Variants in FAM171A1 observed in about 807,000 individuals in gnomAD.
The protein encoded by FAM171A1 is protein FAM171A1.
Under a neutral mutation model 74.9 loss-of-function variants are expected in FAM171A1, and 23 were observed. The observed-to-expected ratio is 0.31, with a 90% CI of 0.22 to 0.44. FAM171A1 has a LOEUF of 0.44. Among genes scored for constraint, FAM171A1 ranks in the 20% least tolerant of loss-of-function variants. The probability of loss-of-function intolerance (pLI) is 1.00; values close to 1 mark genes in which losing one functional copy is unlikely to be tolerated. For synonymous variants in FAM171A1, 527 were observed against 505.7 expected, an observed-to-expected ratio of 1.04 and a Z score of -0.57; for missense variants, 1,162 against 1,159.2, an observed-to-expected ratio of 1.00 and a Z score of -0.03.
intron 3 of FAM171A1, among the ~76,000 whole-genome samples, chr10:15,263,472 T>C (rs551230706): frequency 6.6e-6 from 1 of 152,252 alleles, no homozygotes. Context: ...CATACTCTTA[T>C]CATCTCACAG....
chr10:15,329,730 G>A (rs991127884), intron 1 of FAM171A1, among the ~76,000 whole-genome samples: 8 of 152,058 alleles, frequency 5.3e-5, no homozygotes, highest in Admixed American at 1.3e-4. Context: ...AAGAAGCTAC[G>A]GGAAGTCATT....
At chr10:15,222,926 T>C (rs1443489402) in intron 5 of FAM171A1, among the ~76,000 whole-genome samples, 1 of 152,154 alleles carries the variant, frequency 6.6e-6, no homozygotes, top group East Asian at 1.9e-4. Flanking sequence ...GTTTTGCAAA[T>C]GGGTATGAGG....
At chr10:15,237,030 G>A (rs1834300146) in intron 5 of FAM171A1, among the ~76,000 whole-genome samples, 1 of 152,134 alleles carries the variant, frequency 6.6e-6, no homozygotes, top group African/African-American at 2.4e-5. Context: ...GAGGCAGAGT[G>A]AGACTCTGAC....
intron 1 of FAM171A1, among the ~76,000 whole-genome samples, chr10:15,309,112 C>T (rs929577875): frequency 8.5e-5 from 13 of 152,184 alleles, no homozygotes; most frequent in African/African-American, 2.9e-4. Flanking sequence ...TTGCTCATTT[C>T]TTACTATGTA....
intron 1 of FAM171A1, among the ~76,000 whole-genome samples, chr10:15,308,474 T>C (rs1293943882): frequency 2.0e-5 from 3 of 152,206 alleles, no homozygotes; most frequent in Non-Finnish European, 4.4e-5. Context: ...TTATTTCTAT[T>C]ATTTTTTGAG....
chr10:15,346,760 C>A (rs1184236203), intron 1 of FAM171A1, among the ~76,000 whole-genome samples: 2 of 152,188 alleles, frequency 1.3e-5, no homozygotes, highest in Non-Finnish European at 2.9e-5. Context: ...AAATCAAAGC[C>A]CTGTGAACTA....
chr10:15,236,706 A>G (rs2131741244), intron 5 of FAM171A1, among the ~76,000 whole-genome samples: 1 of 152,342 alleles, frequency 6.6e-6, no homozygotes, highest in South Asian at 2.1e-4. Flanking sequence ...GATACTTAAA[A>G]GTACTGAATT....
chr10:15,284,899 A>G (rs1835016954), intron 1 of FAM171A1, among the ~76,000 whole-genome samples: 1 of 152,102 alleles, frequency 6.6e-6, no homozygotes, highest in Non-Finnish European at 1.5e-5. Flanking sequence ...GGGAGGACCC[A>G]AAGAGTAGAA....
intron 5 of FAM171A1, among the ~76,000 whole-genome samples, chr10:15,246,764 C>G (rs1239519468): frequency 6.6e-6 from 1 of 152,218 alleles, no homozygotes; most frequent in Non-Finnish European, 1.5e-5. Context: ...CACAAGTGAT[C>G]TGCCCGCCTT....
intron 1 of FAM171A1, among the ~76,000 whole-genome samples, chr10:15,365,240 A>G (rs1308420567): frequency 1.3e-5 from 2 of 152,210 alleles, no homozygotes; most frequent in Non-Finnish European, 2.9e-5. Flanking sequence ...GGACGTAAGC[A>G]GACACTTAGA....
intron 1 of FAM171A1, among the ~76,000 whole-genome samples, chr10:15,303,200 TC>T (rs199880199): frequency 1.3e-5 from 2 of 152,128 alleles, no homozygotes; most frequent in East Asian, 3.9e-4. Flanking sequence ...AAAAAAAAAG[TC>T]CTGATTTACC....
At chr10:15,281,784 C>A (rs1281344351) in intron 2 of FAM171A1, among the ~76,000 whole-genome samples, 1 of 152,156 alleles carries the variant, frequency 6.6e-6, no homozygotes, top group Non-Finnish European at 1.5e-5. Flanking sequence ...TTGCTTGAAC[C>A]TGGGAGGTGG....
chr10:15,232,559 G>C (rs1038980565), intron 5 of FAM171A1, among the ~76,000 whole-genome samples: 4 of 152,114 alleles, frequency 2.6e-5, no homozygotes, highest in Admixed American at 2.6e-4. Context: ...AGTGAAGCCA[G>C]GAATAGAATT....
chr10:15,334,793 T>G (rs756296056), intron 1 of FAM171A1, among the ~76,000 whole-genome samples: 1 of 152,234 alleles, frequency 6.6e-6, no homozygotes, highest in Non-Finnish European at 1.5e-5. Flanking sequence ...TGGTTTGGAA[T>G]GTACTGCCTG....
rs1331812403 is a variant in FAM171A1, at chr10:15,370,818, C to T, written c.97+138G>A. 3 of 214,162 alleles carry T rather than the reference C, an allele frequency of 1.4e-5. No individual in the cohort carries two copies. In the South Asian group the frequency reaches 4.3e-4, roughly 30 times the overall value. 13.3% of individuals were successfully genotyped at this position (214,162 alleles called of 1,614,324 possible). On this transcript the variant is annotated intron_variant, in intron 1 of 7. Transcript: ENST00000378116. ...GGGAGCGCGTTGCGGGTGCTGCAGG[C>T]CCGGAGGCTCCCGATGCGGCTCGGG...
intron 2 of FAM171A1, 111 bp downstream of exon 2, chr10:15,283,767 T>G: frequency 4.9e-6 from 5 of 1,026,530 alleles, no homozygotes; most frequent in Non-Finnish European, 5.8e-6. Flanking sequence ...AATTTTTTTG[T>G]AGAGATGCAG....
chr10:15,213,199 T>G lies in FAM171A1; in HGVS notation c.2389A>C (p.Ser797Arg). ...QLVYLDDVEQ[S>R]GSECGTTVCT... The stretch of plus-strand genomic sequence containing the variant: ...ACCGTGGTCCCACATTCGCTACCAC[T>G]CTGTTCCACGTCATCCAGGTACACG... The change falls in exon 8 of 8, where the codon AGT (serine) becomes CGT (arginine). Residue 797 changes from serine to arginine, a missense_variant. By Grantham distance (110) the Ser-to-Arg change is moderately radical. Coordinates refer to ENST00000378116, the MANE Select transcript of FAM171A1 (RefSeq NM_001010924.2). The surrounding 1 kb of genome is among the most constrained non-coding windows in gnomAD (Gnocchi z 6.8). The G allele has an allele frequency of 1.9e-6, 3 of 1,614,048 alleles. No individual in the cohort carries two copies. Among genetic ancestry groups the G allele is most frequent in the Non-Finnish European group, 2.5e-6 (3 of 1,180,022 alleles).
In FAM171A1 at chr10:15,256,729, C is replaced by G. The variant is rs752936583; in HGVS notation, c.419-1850G>C. Reference sequence around the variant, plus strand: ...TGTTACAGAATACCGATGTCTTACTCCTGCCACCTCCTTGGTCTGTGGAGA... The same window carrying G: ...TGTTACAGAATACCGATGTCTTACTGCTGCCACCTCCTTGGTCTGTGGAGA... On this transcript the variant is annotated intron_variant, in intron 3 of 7. Transcript: ENST00000378116. Among the ~76,000 whole-genome samples, 128 of 152,320 alleles carry G rather than the reference C, an allele frequency of 8.4e-4. 1 individual carries two copies. Among genetic ancestry groups the G allele is most frequent in the Non-Finnish European group, 1.5e-3 (105 of 68,036 alleles).
At chr10:15,301,197 C>T (rs1048475101) in intron 1 of FAM171A1, among the ~76,000 whole-genome samples, 1 of 152,046 alleles carries the variant, frequency 6.6e-6, no homozygotes, top group African/African-American at 2.4e-5. Context: ...TTTTGAGAGA[C>T]AGTCTGGCTC....
Sources: gnomAD v4.1 joint callset for allele counts (sites outside exome capture counted in the v4.1 genomes callset) on GRCh38, gnomAD v4.1.1 for gene constraint, Gnocchi (gnomAD v3.1) non-coding constraint, MANE v1.5 for transcripts, NCBI Gene and HGNC (gene_info 2026-07-23, HGNC 2026-07-21) for gene names.